CHN2: variants seen among roughly 807,000 people sequenced by gnomAD.
CHN2 encodes the protein beta-chimaerin.
A neutral mutation model predicts 56.3 loss-of-function variants in CHN2; 35 were observed. That is an observed-to-expected ratio of 0.62 (90% CI 0.47 to 0.82). The LOEUF (loss-of-function observed/expected upper bound fraction) is 0.82, where lower values mean the gene tolerates loss of function less well. Ranked by LOEUF, CHN2 falls within the 40% of genes least tolerant of loss-of-function variation. CHN2 has a pLI of 0.00. For synonymous variants in CHN2, 210 were observed against 212.8 expected (o/e 0.99, Z 0.12); for missense variants, 491 against 580.5 (o/e 0.85, Z 1.58).
intron 6 of CHN2, among the ~76,000 whole-genome samples, chr7:29,406,970 C>T (rs1425293324): frequency 6.6e-6 from 1 of 152,132 alleles, no homozygotes; most frequent in Non-Finnish European, 1.5e-5. Flanking sequence ...AACACATTGC[C>T]CCACATTCAC....
chr7:29,447,595 A>G (rs1239443865), intron 6 of CHN2, among the ~76,000 whole-genome samples: 1 of 152,166 alleles, frequency 6.6e-6, no homozygotes, highest in Non-Finnish European at 1.5e-5. Context: ...AATCTTAGCA[A>G]GTCCCAGGCA....
chr7:29,264,992 CTGAAATCATAG>C (rs1790018087), intron 1 of CHN2, among the ~76,000 whole-genome samples: 1 of 151,960 alleles, frequency 6.6e-6, no homozygotes, highest in Admixed American at 6.6e-5. Context: ...AACCATTTCT[CTGAAATCATAG>C]TGAAATCAGG....
intron 1 of CHN2, among the ~76,000 whole-genome samples, chr7:29,320,317 G>T (rs1352331795): frequency 3.9e-5 from 6 of 152,148 alleles, no homozygotes; most frequent in African/African-American, 1.2e-4. Context: ...TGCAGTCTCT[G>T]TCTCAAGGGA....
intron 1 of CHN2, among the ~76,000 whole-genome samples, chr7:29,265,694 C>T (rs537402893): frequency 2.0e-5 from 3 of 151,868 alleles, no homozygotes; most frequent in African/African-American, 7.3e-5. Context: ...TCTCTGGTTT[C>T]GGAAAGCAGT....
intron 9 of CHN2, among the ~76,000 whole-genome samples, chr7:29,500,521 G>A (rs568150830): frequency 4.6e-5 from 7 of 152,220 alleles, no homozygotes; most frequent in Admixed American, 2.0e-4. Context: ...CCAGCTACTC[G>A]AGAGGCTGAG....
At chr7:29,382,092 G>A (rs1480482570) in intron 3 of CHN2, among the ~76,000 whole-genome samples, 8 of 152,272 alleles carry the variant, frequency 5.3e-5, no homozygotes, top group South Asian at 4.1e-4. Flanking sequence ...CATGAGGATC[G>A]ACAGGGTTGA....
intron 1 of CHN2, among the ~76,000 whole-genome samples, chr7:29,232,006 T>C (rs919653520): frequency 2.6e-5 from 4 of 152,204 alleles, no homozygotes; most frequent in African/African-American, 9.7e-5. Flanking sequence ...GCAACAACTT[T>C]TCCCTCCAGT....
rs181809780 is a variant in CHN2 at position 29,184,828 on chromosome 7, G to A, written c.274+37868G>A. 1.2e-3 allele frequency among the ~76,000 whole-genome samples: 180 copies of A among 152,304 alleles called. 1 individual carries two copies. Among genetic ancestry groups the A allele is most frequent in the African/African-American group, 4.1e-3 (171 of 41,562 alleles). The stretch of plus-strand genomic sequence containing the variant: ...GCATAAAATTAAGCATCACACCTGA[G>A]TTAACCACTGTAAACATTGTGGTTG... On this transcript the variant is annotated intron_variant, in intron 2 of 6. Coordinates refer to the CHN2 transcript ENST00000439384.
intron 3 of CHN2, among the ~76,000 whole-genome samples, chr7:29,374,909 G>A (rs1249667944): frequency 8.0e-5 from 11 of 136,716 alleles, no homozygotes; most frequent in South Asian, 4.8e-4. Flanking sequence ...TTTTTTTGAC[G>A]GAGTTTCGCT....
At chr7:29,400,935 C>CA (rs2128085286) in intron 6 of CHN2, 107 bp downstream of exon 6, 1 of 1,104,442 alleles carries the variant, frequency 9.1e-7, no homozygotes, top group East Asian at 2.6e-5. Context: ...GACCCACCCC[C>CA]ACCCGAAGAA....
chr7:29,296,779 A>C (rs1433839417), intron 1 of CHN2, among the ~76,000 whole-genome samples: 2 of 152,366 alleles, frequency 1.3e-5, no homozygotes, highest in East Asian at 3.9e-4. Flanking sequence ...GCAGTCCTCA[A>C]GGGCATAACT....
intron 2 of CHN2, among the ~76,000 whole-genome samples, chr7:29,154,189 T>C (rs1322917465): frequency 6.6e-6 from 1 of 152,134 alleles, no homozygotes; most frequent in Non-Finnish European, 1.5e-5. Flanking sequence ...GGTGGGCTTC[T>C]CATTGCAGAA....
chr7:29,341,664 TA>T (rs1171956342), intron 1 of CHN2, among the ~76,000 whole-genome samples: 1 of 152,206 alleles, frequency 6.6e-6, no homozygotes, highest in Non-Finnish European at 1.5e-5. Flanking sequence ...TTATTTGTTC[TA>T]AAAGGTGGCA....
Position 29,482,797 on chromosome 7 carries a change from C to CTTTTTT in CHN2, c.654+2478_654+2483dup, listed in dbSNP as rs375120538. On this transcript the variant is annotated intron_variant, in intron 7 of 12. Coordinates refer to ENST00000222792, the MANE Select transcript of CHN2 (RefSeq NM_004067.4). ...TGCTAGGTGCTGTCTGCACTTTTTTCTTTTTTTTTTTTTTTTTTTTTTTTT... is the reference window on the plus strand; with the variant it reads ...TGCTAGGTGCTGTCTGCACTTTTTTCTTTTTTTTTTTTTTTTTTTTTTTTTTTTTTT... 3.3e-3 allele frequency among the ~76,000 whole-genome samples: 210 copies of CTTTTTT among 64,212 alleles called. 49 individuals are homozygous for CTTTTTT. Among genetic ancestry groups the CTTTTTT allele is most frequent in the Non-Finnish European group, 4.4e-3 (151 of 34,260 alleles). 42.1% of individuals were successfully genotyped at this position (64,212 alleles called of 152,430 possible).
At chr7:29,305,635 G>A (rs774605040) in intron 1 of CHN2, among the ~76,000 whole-genome samples, 6 of 152,290 alleles carry the variant, frequency 3.9e-5, no homozygotes, top group South Asian at 2.1e-4. Flanking sequence ...TTGGCATTGC[G>A]CAGAATGAAA....
At chr7:29,511,162 A>ATAAACGGTAGGTATTGAGATTTTTATT (rs1554311009) in intron 12 of CHN2, among the ~76,000 whole-genome samples, 166 of 149,236 alleles carry the variant, frequency 1.1e-3, no homozygotes, top group Middle Eastern at 6.8e-3. Flanking sequence ...GGAGGACTGT[A>ATAAACGGTAGGTATTGAGATTTTTATT]TAAACAGTAG....
intron 1 of CHN2, among the ~76,000 whole-genome samples, chr7:29,231,319 C>T (rs914529838): frequency 3.3e-5 from 5 of 152,026 alleles, no homozygotes; most frequent in African/African-American, 7.3e-5. Context: ...TGGGAGAGTG[C>T]GGTGAAATGA....
intron 2 of CHN2, among the ~76,000 whole-genome samples, chr7:29,362,062 T>C (rs1798779522): frequency 6.6e-6 from 1 of 152,162 alleles, no homozygotes; most frequent in Non-Finnish European, 1.5e-5. Flanking sequence ...AGAACAGATC[T>C]GGGGGCCCCT....
At chr7:29,480,730 C>G (rs1223534065) in intron 7 of CHN2, among the ~76,000 whole-genome samples, 1 of 152,200 alleles carries the variant, frequency 6.6e-6, no homozygotes, top group Non-Finnish European at 1.5e-5. Flanking sequence ...ATATTGCTGT[C>G]TCCGAGCAAG....
Sources: allele counts gnomAD v4.1 joint callset (sites outside exome capture counted in the v4.1 genomes callset), GRCh38; gene constraint gnomAD v4.1.1; transcripts MANE v1.5; gene names NCBI Gene and HGNC (gene_info 2026-07-23, HGNC 2026-07-21).